Variants in TAFA1 observed in about 807,000 individuals in gnomAD.
TAFA1 encodes the protein chemokine-like protein TAFA-1.
TAFA1 carries 4 observed loss-of-function variants against 18.5 expected under a neutral mutation model. That is an observed-to-expected ratio of 0.22 (90% CI 0.11 to 0.49). The LOEUF (loss-of-function observed/expected upper bound fraction) is 0.49. Among genes scored for constraint, TAFA1 ranks in the 20% least tolerant of loss-of-function variants. The pLI is 0.98. For missense variants in TAFA1, 147 were observed against 169.0 expected, an observed-to-expected ratio of 0.87 and a Z score of 0.72; for synonymous variants, 56 against 55.2, an observed-to-expected ratio of 1.01 and a Z score of -0.06.
chr3:68,225,694 T>A (rs775670176), intron 2 of TAFA1, among the ~76,000 whole-genome samples: 16 of 152,206 alleles, frequency 1.1e-4, no homozygotes, highest in Non-Finnish European at 2.2e-4. Context: ...ATTTACTTAT[T>A]ATAAAACGTC....
At chr3:68,497,048 A>G (rs1191604424) in intron 3 of TAFA1, among the ~76,000 whole-genome samples, 1 of 152,192 alleles carries the variant, frequency 6.6e-6, no homozygotes, top group Non-Finnish European at 1.5e-5. Flanking sequence ...GCCACTTGGT[A>G]CAGTGCTTAG....
intron 2 of TAFA1, among the ~76,000 whole-genome samples, chr3:68,239,147 T>C (rs374310592): frequency 1.1e-4 from 16 of 152,290 alleles, no homozygotes; most frequent in Middle Eastern, 3.4e-3. Flanking sequence ...TTAACTTTTA[T>C]GTATACCTCA....
intron 2 of TAFA1, among the ~76,000 whole-genome samples, chr3:68,286,977 G>A (rs2068019864): frequency 6.6e-6 from 1 of 152,182 alleles, no homozygotes; most frequent in African/African-American, 2.4e-5. Context: ...CTTCCAGCAA[G>A]GGAAACACAG....
At chr3:68,365,739 C>T (rs1459673566) in intron 2 of TAFA1, among the ~76,000 whole-genome samples, 1 of 152,102 alleles carries the variant, frequency 6.6e-6, no homozygotes, top group Admixed American at 6.5e-5. Flanking sequence ...GCACATAATA[C>T]ATGATAGCAG....
chr3:68,159,371 T>A (rs1186085142), intron 2 of TAFA1, among the ~76,000 whole-genome samples: 1 of 152,162 alleles, frequency 6.6e-6, no homozygotes, highest in East Asian at 1.9e-4. Flanking sequence ...AAAAAAATAG[T>A]TCTTCGTGGT....
At chr3:68,151,719 C>A (rs1054830841) in intron 2 of TAFA1, among the ~76,000 whole-genome samples, 1 of 152,160 alleles carries the variant, frequency 6.6e-6, no homozygotes. Flanking sequence ...AAGGACAGAT[C>A]CCTTATGATG....
Position 68,121,305 on chromosome 3 carries a change from C to T in TAFA1, c.118+114561C>T, listed in dbSNP as rs557712124. ...TGTGTGTGTGTATACTATGTATATA[C>T]TCCTAACCAGAGCTCCTATGAGTTA... On this transcript the variant is annotated intron_variant, in intron 2 of 4. Coordinates refer to ENST00000478136, the MANE Select transcript of TAFA1 (RefSeq NM_213609.4). Among the ~76,000 whole-genome samples the T allele has an allele frequency of 1.9e-4, 29 of 149,982 alleles. No homozygotes were observed. The East Asian group carries it at 3.1e-3, about 16-fold the overall frequency.
At chr3:68,076,360 GGTTA>G (rs1283003218) in intron 2 of TAFA1, among the ~76,000 whole-genome samples, 1 of 151,522 alleles carries the variant, frequency 6.6e-6, no homozygotes, top group African/African-American at 2.4e-5. Context: ...ACATTGTGCA[GGTTA>G]GTTACATATG....
At chr3:68,227,998 G>A (rs1415674818) in intron 2 of TAFA1, among the ~76,000 whole-genome samples, 1 of 152,160 alleles carries the variant, frequency 6.6e-6, no homozygotes, top group Admixed American at 6.5e-5. Context: ...GTGCAACTTG[G>A]AGACAGGTTG....
chr3:68,460,462 C>T (rs552475978), intron 3 of TAFA1, among the ~76,000 whole-genome samples: 1 of 152,228 alleles, frequency 6.6e-6, no homozygotes, highest in African/African-American at 2.4e-5. Flanking sequence ...AGACTTTTAG[C>T]ATAATATGGT....
At chr3:68,314,572 T>C (rs1199811768) in intron 2 of TAFA1, among the ~76,000 whole-genome samples, 4 of 152,340 alleles carry the variant, frequency 2.6e-5, no homozygotes, top group African/African-American at 9.6e-5. Context: ...ATAGTACACA[T>C]ATTTGTGTGT....
chr3:68,446,416 C>A (rs556777723), intron 3 of TAFA1, among the ~76,000 whole-genome samples: 1 of 152,092 alleles, frequency 6.6e-6, no homozygotes, highest in Non-Finnish European at 1.5e-5. Context: ...AAGAAGACAG[C>A]AAGAGTCCTG....
intron 2 of TAFA1, among the ~76,000 whole-genome samples, chr3:68,143,408 A>G (rs1324593393): frequency 6.6e-6 from 1 of 152,204 alleles, no homozygotes; most frequent in Non-Finnish European, 1.5e-5. Context: ...ATTCTTAAAC[A>G]TCACATTATC....
chr3:68,111,262 G>A (rs2065258939), intron 2 of TAFA1, among the ~76,000 whole-genome samples: 1 of 152,058 alleles, frequency 6.6e-6, no homozygotes, highest in Non-Finnish European at 1.5e-5. Flanking sequence ...CGAAATAATG[G>A]AAGCCAGAAG....
chr3:68,261,390 T>C (rs1414196764), intron 2 of TAFA1, among the ~76,000 whole-genome samples: 2 of 152,176 alleles, frequency 1.3e-5, no homozygotes, highest in African/African-American at 4.8e-5. Flanking sequence ...AGAAATACCA[T>C]TTGACCCAGC....
intron 2 of TAFA1, among the ~76,000 whole-genome samples, chr3:68,334,775 G>A (rs1334254165): frequency 6.6e-6 from 1 of 151,998 alleles, no homozygotes; most frequent in African/African-American, 2.4e-5. Context: ...CATTGATATG[G>A]GTTCCTCAGG....
chr3:68,092,890 C>G (rs1043002384), intron 2 of TAFA1, among the ~76,000 whole-genome samples: 1 of 152,084 alleles, frequency 6.6e-6, no homozygotes, highest in African/African-American at 2.4e-5. Context: ...ACTACAACTC[C>G]GTTAGCTTTA....
At chr3:68,341,462 T>C (rs2069081904) in intron 2 of TAFA1, among the ~76,000 whole-genome samples, 1 of 152,110 alleles carries the variant, frequency 6.6e-6, no homozygotes, top group Admixed American at 6.5e-5. Context: ...CCACGAGCAA[T>C]TTGGGGAGGT....
chr3:68,527,027 A>G (rs1240039012), intron 3 of TAFA1, among the ~76,000 whole-genome samples: 1 of 152,180 alleles, frequency 6.6e-6, no homozygotes, highest in Non-Finnish European at 1.5e-5. Flanking sequence ...ATACAGTAAG[A>G]CATGTATTTA....
Sources: gnomAD v4.1 joint callset for allele counts (sites outside exome capture counted in the v4.1 genomes callset) on GRCh38, gnomAD v4.1.1 for gene constraint, MANE v1.5 for transcripts, NCBI Gene and HGNC (gene_info 2026-07-23, HGNC 2026-07-21) for gene names.